MGST1: variants seen among roughly 807,000 people sequenced by gnomAD.
MGST1 encodes the protein microsomal glutathione S-transferase 1, also known as glutathione S-transferase 12.
Under a neutral mutation model 8.9 loss-of-function variants are expected in MGST1, and 5 were observed. The observed-to-expected ratio is 0.56, with a 90% CI of 0.29 to 1.19. The LOEUF is 1.19. Among genes scored for constraint, MGST1 ranks in the 50% most tolerant of loss-of-function variants. The pLI is 0.08. For missense variants in MGST1, 182 were observed against 187.4 expected (o/e 0.97, Z 0.17); for synonymous variants, 54 against 67.8 (o/e 0.80, Z 1.00).
At chr12:16,369,118 A>T (rs1316305256), downstream of MGST1, among the ~76,000 whole-genome samples, 1 of 152,132 alleles carries the variant, frequency 6.6e-6, no homozygotes, top group East Asian at 1.9e-4. This position sits in a 1 kb window ranked among gnomAD's most constrained non-coding sequence, Gnocchi z 4.8. Context: ...GAAGGACTGA[A>T]GCAGTGTGGT....
At chr12:16,377,290 TC>T (rs1170890678), downstream of MGST1, 2 of 90,642 alleles carry the variant, frequency 2.2e-5, no homozygotes, top group East Asian at 4.0e-4. Flanking sequence ...GTGCTATCCC[TC>T]CCCCCTCCCC....
chr12:16,542,579 C>T (rs944078917), intron 4 of MGST1, among the ~76,000 whole-genome samples: 3 of 152,122 alleles, frequency 2.0e-5, no homozygotes, highest in Admixed American at 1.3e-4. Flanking sequence ...GTTCCTTTCA[C>T]GTTCAGTCAA....
chr12:16,351,823 A>G (rs1213628747), intron 1 of MGST1, among the ~76,000 whole-genome samples: 2 of 152,142 alleles, frequency 1.3e-5, no homozygotes, highest in Non-Finnish European at 2.9e-5. Flanking sequence ...AAAAGAAAAG[A>G]AAAGGAAACA....
At chr12:16,409,255 A>T (rs1409332444) in intron 1 of MGST1, among the ~76,000 whole-genome samples, 1 of 151,888 alleles carries the variant, frequency 6.6e-6, no homozygotes, top group Non-Finnish European at 1.5e-5. Context: ...AGTTAAGGTG[A>T]TGTGTAATGT....
intron 1 of MGST1, among the ~76,000 whole-genome samples, chr12:16,392,330 T>C (rs1940560209): frequency 6.6e-6 from 1 of 152,236 alleles, no homozygotes; most frequent in African/African-American, 2.4e-5. Context: ...GATAATTCTT[T>C]CCACTAGCCT....
At chr12:16,561,354 G>C (rs565713018) in intron 4 of MGST1, among the ~76,000 whole-genome samples, 16 of 152,224 alleles carry the variant, frequency 1.1e-4, no homozygotes, top group South Asian at 8.3e-4. Flanking sequence ...TGGAGGGGAA[G>C]AATTATTACA....
chr12:16,510,900 C>G (rs1001148134), intron 4 of MGST1, among the ~76,000 whole-genome samples: 1 of 152,094 alleles, frequency 6.6e-6, no homozygotes, highest in Non-Finnish European at 1.5e-5. Context: ...ATTTAACATG[C>G]TATTTATAAG....
chr12:16,404,035 G>A (rs1196481533), intron 1 of MGST1, among the ~76,000 whole-genome samples: 3 of 152,152 alleles, frequency 2.0e-5, no homozygotes, highest in Non-Finnish European at 2.9e-5. Flanking sequence ...AGAAAACTGT[G>A]TTGAAGTCTA....
Position 16,584,989 on chromosome 12 carries a change from T to A in MGST1, n.483-4539T>A, listed in dbSNP as rs561158396. ...AAAAAGTTACATACTAGTAGCTGTG[T>A]GCCACATTAGAGTTAGTTGCCAATG... On this transcript the variant is annotated intron_variant and non_coding_transcript_variant, in intron 4 of 4. Coordinates refer to the MGST1 transcript ENST00000538857. The surrounding 1 kb of genome is among the most constrained non-coding windows in gnomAD (Gnocchi z 5.2). 7.2e-5 allele frequency among the ~76,000 whole-genome samples: 11 copies of A among 152,358 alleles called. No homozygotes were observed. The South Asian group carries it at 2.3e-3, about 32-fold the overall frequency.
At chr12:16,392,365 C>T (rs1313352767) in intron 1 of MGST1, among the ~76,000 whole-genome samples, 2 of 152,160 alleles carry the variant, frequency 1.3e-5, no homozygotes, top group African/African-American at 4.8e-5. Context: ...TTCATTGGCA[C>T]TCTCAGAAAG....
chr12:16,454,443 T>A (rs1941153384), intron 4 of MGST1, among the ~76,000 whole-genome samples: 1 of 151,926 alleles, frequency 6.6e-6, no homozygotes, highest in Non-Finnish European at 1.5e-5. Context: ...TGCAAAATAC[T>A]CTACTTATAC....
chr12:16,551,517 C>T (rs1197175871), intron 4 of MGST1, among the ~76,000 whole-genome samples: 3 of 151,148 alleles, frequency 2.0e-5, no homozygotes, highest in Non-Finnish European at 4.4e-5. Flanking sequence ...ATGTTGCACA[C>T]ATTTGAAATC....
In MGST1 at chr12:16,519,129, T is replaced by C. The variant is rs185980160; in HGVS notation, n.483-70399T>C. On this transcript the variant is annotated intron_variant and non_coding_transcript_variant, in intron 4 of 4. Coordinates refer to the MGST1 transcript ENST00000538857. Reference sequence around the variant, plus strand: ...TTATTGCTTACTAGACTTTTGCCCATGGACGAGCCCTTCCAACATTTGAGT... The same window carrying C: ...TTATTGCTTACTAGACTTTTGCCCACGGACGAGCCCTTCCAACATTTGAGT... Among the ~76,000 whole-genome samples the C allele has an allele frequency of 1.1e-4, 17 of 152,326 alleles. No homozygotes were observed. The South Asian group carries it at 2.5e-3, about 22-fold the overall frequency.
rs1358820648 is a variant in MGST1 at position 16,546,070 on chromosome 12, G to A, written n.483-43458G>A. On this transcript the variant is annotated intron_variant and non_coding_transcript_variant, in intron 4 of 4. Coordinates refer to the MGST1 transcript ENST00000538857. This position sits in a 1 kb window ranked among gnomAD's most constrained non-coding sequence, Gnocchi z 4.7. The stretch of plus-strand genomic sequence containing the variant: ...ATTTTAATAGTACCTGTGTCACAGG[G>A]GTGTTGTGGGAATTACATGCGTGTG... Among the ~76,000 whole-genome samples, 1 of 151,948 alleles carries A rather than the reference G, an allele frequency of 6.6e-6. No homozygotes were observed. Among genetic ancestry groups the A allele is most frequent in the Non-Finnish European group, 1.5e-5 (1 of 67,962 alleles).
chr12:16,583,110 T>C (rs1337099427), intron 4 of MGST1, among the ~76,000 whole-genome samples: 1 of 151,542 alleles, frequency 6.6e-6, no homozygotes, highest in African/African-American at 2.4e-5. Flanking sequence ...AGAAAGCTTT[T>C]AAAGAGAATA....
At position 16,544,883 on chromosome 12, in the gene MGST1, A is replaced by G. The variant is rs1052808865; in HGVS notation, n.483-44645A>G. On this transcript the variant is annotated intron_variant and non_coding_transcript_variant, in intron 4 of 4. Coordinates refer to the MGST1 transcript ENST00000538857. This position sits in a 1 kb window ranked among gnomAD's most constrained non-coding sequence, Gnocchi z 4.8. ...ATGTGCACTGGCTGAAGTTTGCATC[A>G]TTTTGGACAGCATAGCTAGTTCTTG... Among the ~76,000 whole-genome samples, 8 of 152,078 alleles carry G rather than the reference A, an allele frequency of 5.3e-5. No homozygotes were observed. Among genetic ancestry groups the G allele is most frequent in the African/African-American group, 1.7e-4 (7 of 41,452 alleles).
At chr12:16,573,218 T>G (rs890128499) in intron 4 of MGST1, among the ~76,000 whole-genome samples, 1 of 152,140 alleles carries the variant, frequency 6.6e-6, no homozygotes, top group African/African-American at 2.4e-5. Context: ...ATTATTCATA[T>G]AAATACTATT....
chr12:16,571,442 A>T (rs764713419), intron 4 of MGST1, among the ~76,000 whole-genome samples: 3 of 152,106 alleles, frequency 2.0e-5, no homozygotes, highest in Non-Finnish European at 4.4e-5. Flanking sequence ...CAAATTCTTT[A>T]AGAAGGTACT....
rs1940014352 is a variant in MGST1 at position 16,361,908 on chromosome 12, C to T, written c.222-1887C>T. Reference sequence around the variant, plus strand: ...AAGGAACCCCTGCCCCTTGACCTTCCTTCCCTCTACCCTCATGGTCCTCTT... The same window carrying T: ...AAGGAACCCCTGCCCCTTGACCTTCTTTCCCTCTACCCTCATGGTCCTCTT... On this transcript the variant is annotated intron_variant, in intron 3 of 3. Transcript: ENST00000396210. This position sits in a 1 kb window ranked among gnomAD's most constrained non-coding sequence, Gnocchi z 4.2. 6.6e-6 allele frequency among the ~76,000 whole-genome samples: 1 copy of T among 152,110 alleles called. No individual in the cohort carries two copies. The highest frequency in any genetic ancestry group is 1.5e-5 in the Non-Finnish European group (1 of 68,016).
Sources: gnomAD v4.1 joint callset for allele counts (sites outside exome capture counted in the v4.1 genomes callset) on GRCh38, gnomAD v4.1.1 for gene constraint, Gnocchi (gnomAD v3.1) non-coding constraint, MANE v1.5 for transcripts, NCBI Gene and HGNC (gene_info 2026-07-23, HGNC 2026-07-21) for gene names.